CSMD3: variants seen among roughly 807,000 people sequenced by gnomAD.
CSMD3 encodes the protein CUB and sushi domain-containing protein 3.
CSMD3 carries 177 observed loss-of-function variants against 435.2 expected under a neutral mutation model. That is an observed-to-expected ratio of 0.41 (90% CI 0.36 to 0.46). CSMD3 has a LOEUF of 0.46. Among genes scored for constraint, CSMD3 ranks in the 20% least tolerant of loss-of-function variants. The pLI is 0.34. For missense variants in CSMD3, 4,265 were observed against 4,504.6 expected (o/e 0.95, Z 1.52); for synonymous variants, 1,656 against 1,520.5 (o/e 1.09, Z -2.07).
chr8:112,443,504 A>G (rs1487767121), intron 32 of CSMD3, among the ~76,000 whole-genome samples: 1 of 152,222 alleles, frequency 6.6e-6, no homozygotes, highest in Non-Finnish European at 1.5e-5. Context: ...AAAAGAGTAA[A>G]ATATTTATCT....
intron 5 of CSMD3, among the ~76,000 whole-genome samples, chr8:113,021,156 G>T (rs1486263583): frequency 6.6e-6 from 1 of 151,812 alleles, no homozygotes; most frequent in African/African-American, 2.4e-5. Flanking sequence ...CTTTTCATAG[G>T]GATGAATCTG....
chr8:112,291,912 G>T (rs970025689), intron 55 of CSMD3, among the ~76,000 whole-genome samples: 54 of 151,910 alleles, frequency 3.6e-4, no homozygotes, highest in Non-Finnish European at 2.1e-4. Flanking sequence ...CAACAATTAG[G>T]AAAATAGCAA....
chr8:112,276,849 C>T (rs751799619), intron 59 of CSMD3, among the ~76,000 whole-genome samples: 1 of 152,124 alleles, frequency 6.6e-6, no homozygotes, highest in Non-Finnish European at 1.5e-5. Flanking sequence ...AGGCTTGGGG[C>T]TTGCACACTC....
At chr8:112,277,929 G>A (rs1205294721) in intron 59 of CSMD3, among the ~76,000 whole-genome samples, 1 of 152,098 alleles carries the variant, frequency 6.6e-6, no homozygotes, top group East Asian at 1.9e-4. Context: ...CAACACATGG[G>A]AATTATGGGA....
chr8:112,506,653 TA>T (rs932066530), intron 29 of CSMD3, 37 bp downstream of exon 29: 3 of 1,604,772 alleles, frequency 1.9e-6, no homozygotes, highest in South Asian at 1.1e-5. Flanking sequence ...CCTAACAATA[TA>T]TTTTTTTAAC....
intron 21 of CSMD3, among the ~76,000 whole-genome samples, chr8:112,638,129 T>G (rs997704285): frequency 1.3e-5 from 2 of 150,404 alleles, no homozygotes; most frequent in Non-Finnish European, 3.0e-5. Flanking sequence ...AAGGAGTAAC[T>G]ATGTTAATTT....
intron 5 of CSMD3, among the ~76,000 whole-genome samples, chr8:113,053,681 C>A (rs1013325512): frequency 1.3e-5 from 2 of 152,082 alleles, no homozygotes; most frequent in African/African-American, 4.8e-5. Flanking sequence ...ACTATATGCA[C>A]TGTCCTATAA....
At chr8:113,008,850 TAA>T (rs1261171279) in intron 6 of CSMD3, among the ~76,000 whole-genome samples, 1 of 151,394 alleles carries the variant, frequency 6.6e-6, no homozygotes, top group African/African-American at 2.4e-5. Flanking sequence ...ATATTAATTA[TAA>T]GTTTTCTTCT....
intron 13 of CSMD3, among the ~76,000 whole-genome samples, chr8:112,754,434 G>A (rs2132117462): frequency 6.6e-6 from 1 of 152,152 alleles, no homozygotes; most frequent in Non-Finnish European, 1.5e-5. Flanking sequence ...AAATCATGGA[G>A]GCTTTTATTA....
intron 1 of CSMD3, among the ~76,000 whole-genome samples, chr8:113,329,068 T>C (rs993159800): frequency 6.6e-6 from 1 of 151,860 alleles, no homozygotes; most frequent in Admixed American, 6.6e-5. Context: ...TCAACAAAAA[T>C]TATGACACAT....
chr8:112,731,608 C>G (rs2077076173), intron 13 of CSMD3, among the ~76,000 whole-genome samples: 1 of 152,070 alleles, frequency 6.6e-6, no homozygotes, highest in Admixed American at 6.6e-5. Context: ...CATCCCCAAC[C>G]TGCTTTTTGT....
Position 112,975,939 on chromosome 8 carries a change from C to T in CSMD3, c.1240G>A (p.Gly414Arg), listed in dbSNP as rs973478117. 2.8e-5 allele frequency: 45 copies of T among 1,613,848 alleles called. 1 individual carries two copies. The highest frequency in any genetic ancestry group is 3.3e-4 in the Middle Eastern group (2 of 6,070). Residue 414 changes from glycine (G) to arginine (R), a missense_variant, in exon 7 of 71, where the codon GGG becomes AGG. Gly to Arg is a moderately radical substitution (Grantham distance 125). Transcript: ENST00000297405. ...SGLDPNTSKD[G>R]LSPHPADTQS... is the part of the protein sequence containing the mutation. ...GTATCTGCTGGATGAGGAGAGAGCCCGTCCTTGGACGTGTTGGGGTCCAGA... is the reference window on the plus strand; with the variant it reads ...GTATCTGCTGGATGAGGAGAGAGCCTGTCCTTGGACGTGTTGGGGTCCAGA...
At chr8:112,513,051 C>G (rs1484842485) in intron 28 of CSMD3, among the ~76,000 whole-genome samples, 4 of 152,140 alleles carry the variant, frequency 2.6e-5, no homozygotes, top group Non-Finnish European at 4.4e-5. Context: ...TAGGTTTTGG[C>G]TTATGGGAAT....
At chr8:112,870,299 C>G (rs1445338655) in intron 10 of CSMD3, among the ~76,000 whole-genome samples, 1 of 149,316 alleles carries the variant, frequency 6.7e-6, no homozygotes, top group African/African-American at 2.5e-5. Context: ...GACGGGGTCT[C>G]TCTTTGTTGC....
intron 27 of CSMD3, among the ~76,000 whole-genome samples, chr8:112,533,228 A>C (rs1825710395): frequency 6.6e-6 from 1 of 151,788 alleles, no homozygotes; most frequent in Admixed American, 6.6e-5. Flanking sequence ...GTTATAAAAT[A>C]ACCAGAAAAA....
intron 22 of CSMD3, among the ~76,000 whole-genome samples, chr8:112,633,414 A>C: frequency 6.6e-6 from 1 of 152,000 alleles, no homozygotes; most frequent in East Asian, 1.9e-4. Flanking sequence ...GTTTGTGTTC[A>C]ACCTTGAGTA....
At chr8:112,254,227 T>G (rs1407059224) in intron 63 of CSMD3, 26 bp downstream of exon 63, 1 of 1,551,344 alleles carries the variant, frequency 6.4e-7, no homozygotes, top group South Asian at 1.1e-5. Context: ...AGTATGATGC[T>G]AAATGGACAT....
At chr8:113,165,893 A>G (rs1457084172) in intron 4 of CSMD3, among the ~76,000 whole-genome samples, 2 of 152,082 alleles carry the variant, frequency 1.3e-5, no homozygotes, top group African/African-American at 4.8e-5. Flanking sequence ...ATGTAAGTCA[A>G]TGTTAAATAT....
chr8:113,356,554 A>G (rs1391714718), intron 1 of CSMD3, among the ~76,000 whole-genome samples: 12 of 152,210 alleles, frequency 7.9e-5, no homozygotes, highest in African/African-American at 2.7e-4. Context: ...TAAGCACTCA[A>G]TAAAAATGTA....
Sources: allele counts gnomAD v4.1 joint callset (sites outside exome capture counted in the v4.1 genomes callset), GRCh38; gene constraint gnomAD v4.1.1; transcripts MANE v1.5; gene names NCBI Gene and HGNC (gene_info 2026-07-23, HGNC 2026-07-21).